The following SLC20A2 variants were observed in gnomAD, a reference collection of about 807,000 sequenced individuals.
SLC20A2 encodes solute carrier family 20 member 2, also known as sodium-dependent phosphate transporter 2.
A neutral mutation model predicts 61.0 loss-of-function variants in SLC20A2; 30 were observed. The observed-to-expected ratio is 0.49, with a 90% CI of 0.37 to 0.67. The LOEUF (loss-of-function observed/expected upper bound fraction) is 0.67. Ranked by LOEUF, SLC20A2 falls within the 30% of genes least tolerant of loss-of-function variation. The pLI, the probability that SLC20A2 is intolerant of heterozygous loss-of-function variation, is 0.00. For missense variants in SLC20A2, 626 were observed against 866.4 expected (o/e 0.72, Z 3.48); for synonymous variants, 351 against 353.3 (o/e 0.99, Z 0.07).
intron 10 of SLC20A2, among the ~76,000 whole-genome samples, chr8:42,418,923 G>A (rs1389280387): frequency 6.6e-6 from 1 of 150,850 alleles, no homozygotes; most frequent in Admixed American, 6.6e-5. Context: ...GCGTGAACCT[G>A]GGAGGCGGAG....
At chr8:42,490,983 GTAAAGA>G (rs1341262294) in intron 1 of SLC20A2, among the ~76,000 whole-genome samples, 3 of 152,024 alleles carry the variant, frequency 2.0e-5, no homozygotes, top group Admixed American at 1.3e-4. Context: ...AGTCTTCAGA[GTAAAGA>G]TAAAAACAAA....
intron 2 of SLC20A2, chr8:42,470,978 A>T (rs1219803205): frequency 3.0e-6 from 1 of 335,154 alleles, no homozygotes; most frequent in East Asian, 7.8e-5. Context: ...TGTCTCAAAA[A>T]AAAAAAAAAA....
chr8:42,486,651 G>A (rs1809036150), intron 1 of SLC20A2, among the ~76,000 whole-genome samples: 1 of 152,186 alleles, frequency 6.6e-6, no homozygotes, highest in African/African-American at 2.4e-5. Flanking sequence ...GGGCCTCACT[G>A]CCTGATGGAA....
Position 42,424,434 on chromosome 8 carries a change from G to A in SLC20A2, c.1794+4324C>T, listed in dbSNP as rs181704294. Among the ~76,000 whole-genome samples, 242 of 152,210 alleles carry A rather than the reference G, an allele frequency of 1.6e-3. 1 individual carries two copies. The highest frequency in any genetic ancestry group is 5.5e-3 in the African/African-American group (230 of 41,546). On this transcript the variant is annotated intron_variant, in intron 10 of 10. Transcript: ENST00000520262. ...GGGTTCAAGCGATTCTCCGGCCTCA[G>A]CCTCCCGAGTAGCTAGGATTATAGG...
chr8:42,423,763 G>C (rs1486131432), intron 10 of SLC20A2, among the ~76,000 whole-genome samples: 1 of 152,112 alleles, frequency 6.6e-6, no homozygotes, highest in Non-Finnish European at 1.5e-5. Flanking sequence ...AAAAGATCCA[G>C]AGTACTATGT....
At chr8:42,436,850 T>C in intron 8 of SLC20A2, 139 bp downstream of exon 8, 1 of 729,216 alleles carries the variant, frequency 1.4e-6, no homozygotes, top group East Asian at 2.7e-5. Flanking sequence ...CTTATGGGTC[T>C]GTCCACCGCC....
At chr8:42,507,845 A>C (rs899374500) in intron 1 of SLC20A2, among the ~76,000 whole-genome samples, 1 of 152,210 alleles carries the variant, frequency 6.6e-6, no homozygotes, top group Non-Finnish European at 1.5e-5. Flanking sequence ...TAAGCAAAGA[A>C]GAGGCTTCCA....
chr8:42,482,647 G>T (rs934429592), intron 1 of SLC20A2, among the ~76,000 whole-genome samples: 1 of 152,064 alleles, frequency 6.6e-6, no homozygotes, highest in Admixed American at 6.5e-5. Flanking sequence ...CCTGAGCCTG[G>T]GAGGTCAAGG....
intron 1 of SLC20A2, among the ~76,000 whole-genome samples, chr8:42,516,974 C>T (rs187068888): frequency 9.0e-4 from 137 of 152,312 alleles, no homozygotes; most frequent in Non-Finnish European, 1.5e-3. Flanking sequence ...CTTTTCATCT[C>T]GTGCACTTGA....
chr8:42,438,272 C>T (rs942523397), intron 7 of SLC20A2, among the ~76,000 whole-genome samples: 1 of 152,074 alleles, frequency 6.6e-6, no homozygotes, highest in East Asian at 1.9e-4. Context: ...ATACATGAGA[C>T]AAAACCCACT....
intron 2 of SLC20A2, among the ~76,000 whole-genome samples, chr8:42,468,518 G>A (rs1807366061): frequency 6.6e-6 from 1 of 152,196 alleles, no homozygotes; most frequent in Admixed American, 6.5e-5. Flanking sequence ...CCTCAGGGGT[G>A]TCTGAAGACA....
At chr8:42,493,626 A>G (rs1310031648) in intron 1 of SLC20A2, among the ~76,000 whole-genome samples, 2 of 152,212 alleles carry the variant, frequency 1.3e-5, no homozygotes, top group African/African-American at 2.4e-5. Flanking sequence ...TGCTCTCCAA[A>G]TAATACTGAG....
Position 42,439,511 on chromosome 8 carries a change from T to C in SLC20A2, c.873A>G (p.Ala291=). ...CTTCCGAGGTCCCCAGTGTCTCCCCTGCTGCTCCCGTGAGCGGGATGGTGC... is the reference window on the plus strand; with the variant it reads ...CTTCCGAGGTCCCCAGTGTCTCCCCCGCTGCTCCCGTGAGCGGGATGGTGC... The part of the protein sequence containing the change: ...DDSTIPLTGA[A]GETLGTSEGT... Residue 291 remains alanine (A), a synonymous_variant, in exon 7 of 11, where the codon GCA becomes GCG. Coordinates refer to ENST00000520262, the MANE Select transcript of SLC20A2 (RefSeq NM_001257180.2). The C allele has an allele frequency of 6.2e-7, 1 of 1,614,196 alleles. No individual in the cohort carries two copies. The highest frequency in any genetic ancestry group is 8.5e-7 in the Non-Finnish European group (1 of 1,180,040).
At chr8:42,448,658 A>T (rs1805416552) in intron 5 of SLC20A2, among the ~76,000 whole-genome samples, 2 of 152,308 alleles carry the variant, frequency 1.3e-5, no homozygotes, top group Admixed American at 1.3e-4. Context: ...GTCATGAGAA[A>T]CTGGCAGGGG....
intron 5 of SLC20A2, among the ~76,000 whole-genome samples, chr8:42,447,473 G>C (rs7835164): frequency 0.61 from 92,168 of 151,772 alleles, 28,484 homozygotes; most frequent in African/African-American, 0.73. Flanking sequence ...GTCAGGAGAT[G>C]GAGACCATCC....
chr8:42,444,955 C>T (rs532682806), intron 5 of SLC20A2, among the ~76,000 whole-genome samples, 193 bp from the exon 6 acceptor site: 6 of 152,192 alleles, frequency 3.9e-5, no homozygotes, highest in South Asian at 2.1e-4. Flanking sequence ...TTATATCTGG[C>T]GAATATGTGC....
intron 5 of SLC20A2, among the ~76,000 whole-genome samples, chr8:42,455,290 A>AGAGAGAGC (rs1563478498): frequency 1.4e-5 from 2 of 139,624 alleles, no homozygotes; most frequent in African/African-American, 5.2e-5. Context: ...AGAGAGAGAG[A>AGAGAGAGC]GAGCGTGCGC....
chr8:42,430,174 G>A lies in SLC20A2; in HGVS notation c.1599C>T (p.Pro533=), dbSNP rs749738444. 22 of 1,614,066 alleles carry A rather than the reference G, an allele frequency of 1.4e-5. No individual in the cohort carries two copies. Among genetic ancestry groups the A allele is most frequent in the Admixed American group, 1.3e-4 (8 of 60,016 alleles). The change falls in exon 9 of 11, where the codon CCC becomes CCT. Residue 533 remains proline (P), a synonymous_variant. Transcript: ENST00000520262. ...CTCCTCCATAAAACAGCAGCCAGACGGGTGTAGCTGCTTCTTGCGTTACCC... is the reference window on the plus strand; with the variant it reads ...CTCCTCCATAAAACAGCAGCCAGACAGGTGTAGCTGCTTCTTGCGTTACCC... ...QGGVTQEAAT[P]VWLLFYGGVG... is the part of the protein sequence containing the mutation.
At position 42,438,085 on chromosome 8, in the gene SLC20A2, A is replaced by AC. The variant is rs1563455950; in HGVS notation, c.935-509_935-508insG. On this transcript the variant is annotated intron_variant, in intron 7 of 10. Coordinates refer to ENST00000520262, the MANE Select transcript of SLC20A2 (RefSeq NM_001257180.2). The stretch of plus-strand genomic sequence containing the variant: ...AACCAAAAAAAAAAAAAAAAAAAAA[A>AC]AAAACATGGAAACATACAACAAAAG... Among the ~76,000 whole-genome samples the AC allele has an allele frequency of 4.9e-4, 73 of 149,346 alleles. 1 individual carries two copies. The highest frequency in any genetic ancestry group is 8.4e-4 in the South Asian group (4 of 4,744).
Sources: allele counts gnomAD v4.1 joint callset (sites outside exome capture counted in the v4.1 genomes callset), GRCh38; gene constraint gnomAD v4.1.1; transcripts MANE v1.5; gene names NCBI Gene and HGNC (gene_info 2026-07-23, HGNC 2026-07-21).